Variants in ATRN observed in about 807,000 individuals in gnomAD.
ATRN encodes attractin-2.
In ATRN, 54 loss-of-function variants were observed where a neutral mutation model predicts 178.7. That is an observed-to-expected ratio of 0.30 (90% CI 0.24 to 0.38). The LOEUF (loss-of-function observed/expected upper bound fraction) is 0.38, where lower values mean the gene tolerates loss of function less well. Ranked by LOEUF, ATRN falls within the 10% of genes least tolerant of loss-of-function variation. The pLI is 1.00. For synonymous variants in ATRN, 636 were observed against 663.0 expected, an observed-to-expected ratio of 0.96 and a Z score of 0.63; for missense variants, 1,443 against 1,815.1, an observed-to-expected ratio of 0.79 and a Z score of 3.73.
intron 14 of ATRN, 95 bp downstream of exon 14, chr20:3,577,092 G>A (rs2146250588): frequency 6.8e-7 from 1 of 1,475,024 alleles, no homozygotes; most frequent in Middle Eastern, 2.1e-4. Flanking sequence ...TAGCAGAGGG[G>A]AAGAGCTAAT....
rs1385737020 is a variant in ATRN, at chr20:3,471,084, G to A, written c.-24G>A. 12 of 1,506,722 alleles carry A rather than the reference G, an allele frequency of 8.0e-6. No individual in the cohort carries two copies. Among genetic ancestry groups the A allele is most frequent in the African/African-American group, 1.4e-5 (1 of 69,438 alleles). The allele number at this position is 1,506,722 out of a possible 1,614,324, so 93.3% of individuals were successfully genotyped here. ...TGCGGTGTGTGTGTATGTGTTCGCG[G>A]GGCGCCGTCTCAGCCCCGGGAAGAT... On this transcript the variant is annotated 5_prime_UTR_variant, in exon 1 of 29. Coordinates refer to ENST00000262919, the MANE Select transcript of ATRN (RefSeq NM_139321.3).
At chr20:3,487,198 G>T (rs777109456) in intron 1 of ATRN, among the ~76,000 whole-genome samples, 1 of 151,792 alleles carries the variant, frequency 6.6e-6, no homozygotes, top group African/African-American at 2.4e-5. Context: ...GTTATTTTTT[G>T]ATACTTTTGA....
At chr20:3,489,973 T>C in intron 1 of ATRN, 1 of 1,005,056 alleles carries the variant, frequency 9.9e-7, no homozygotes, top group Non-Finnish European at 1.6e-6. Context: ...TCTCCTGTCC[T>C]TGCTTGCTTG....
At chr20:3,576,441 A>C (rs1166653229) in intron 13 of ATRN, among the ~76,000 whole-genome samples, 1 of 152,178 alleles carries the variant, frequency 6.6e-6, no homozygotes, top group Non-Finnish European at 1.5e-5. Flanking sequence ...AGTTTTTGAC[A>C]GCTTACAAGA....
intron 24 of ATRN, among the ~76,000 whole-genome samples, chr20:3,608,721 CTT>C (rs903951340): frequency 6.6e-6 from 1 of 152,106 alleles, no homozygotes; most frequent in African/African-American, 2.4e-5. Flanking sequence ...AATCCCAGCA[CTT>C]TGGGAGGCCG....
At position 3,560,862 on chromosome 20, in the gene ATRN, C is replaced by A; in HGVS notation, c.1404C>A (p.Cys468Ter). ...RVVMLVIFGH[C>*]PLYGYISNVQ... ...TCATGCTGGTCATCTTTGGTCACTG[C>A]CCTCTCTATGGATATATAAGCAATG... Residue 468 changes from cysteine to a stop codon, truncating the protein, a stop_gained, in exon 8 of 29, where the codon TGC becomes TGA. Coordinates refer to ENST00000262919, the MANE Select transcript of ATRN (RefSeq NM_139321.3). LOFTEE classifies it high-confidence loss of function. 6.2e-7 allele frequency: 1 copy of A among 1,614,040 alleles called. No individual in the cohort carries two copies. The highest frequency in any genetic ancestry group is 8.5e-7 in the Non-Finnish European group (1 of 1,179,968).
chr20:3,644,928 G>C (rs2087096706), intron 28 of ATRN, among the ~76,000 whole-genome samples: 1 of 152,082 alleles, frequency 6.6e-6, no homozygotes, highest in Non-Finnish European at 1.5e-5. Flanking sequence ...TTTTTATTCT[G>C]CTTTTTTCAT....
At chr20:3,534,393 G>C (rs562431437) in intron 1 of ATRN, among the ~76,000 whole-genome samples, 103 of 152,252 alleles carry the variant, frequency 6.8e-4, no homozygotes, top group African/African-American at 2.3e-3. Flanking sequence ...AAGAGGGGTG[G>C]AGGAAAAGAT....
chr20:3,524,903 A>C (rs2085344012), intron 1 of ATRN, among the ~76,000 whole-genome samples: 1 of 152,240 alleles, frequency 6.6e-6, no homozygotes, highest in South Asian at 2.1e-4. Context: ...ACGCAGCCAA[A>C]GCAGTGTTTA....
intron 11 of ATRN, among the ~76,000 whole-genome samples, chr20:3,569,286 A>G (rs1000313856): frequency 1.3e-5 from 2 of 152,144 alleles, no homozygotes; most frequent in Non-Finnish European, 2.9e-5. Context: ...TAGGCTACAC[A>G]TCTAGGCTAT....
At chr20:3,474,406 T>G (rs2092961119) in intron 1 of ATRN, among the ~76,000 whole-genome samples, 1 of 152,090 alleles carries the variant, frequency 6.6e-6, no homozygotes, top group Non-Finnish European at 1.5e-5. Context: ...ATGACTCTGG[T>G]CTTTTAAAAA....
chr20:3,482,656 A>G (rs557819378), intron 1 of ATRN, among the ~76,000 whole-genome samples: 28 of 152,344 alleles, frequency 1.8e-4, no homozygotes, highest in African/African-American at 6.3e-4. Flanking sequence ...ACAGATCTGC[A>G]GAATTAGATT....
chr20:3,637,801 G>A (rs2087037104), intron 26 of ATRN, among the ~76,000 whole-genome samples: 1 of 152,196 alleles, frequency 6.6e-6, no homozygotes, highest in African/African-American at 2.4e-5. Flanking sequence ...TCACACAGCT[G>A]TAGACTATTG....
At chr20:3,625,144 C>T (rs2086927290) in intron 25 of ATRN, among the ~76,000 whole-genome samples, 1 of 152,194 alleles carries the variant, frequency 6.6e-6, no homozygotes, top group Admixed American at 6.5e-5. Flanking sequence ...GCGCCTTCCC[C>T]ACCCCACGTC....
intron 1 of ATRN, among the ~76,000 whole-genome samples, chr20:3,524,635 C>A (rs1801836923): frequency 6.6e-6 from 1 of 152,220 alleles, no homozygotes; most frequent in African/African-American, 2.4e-5. Flanking sequence ...CCACATGGCA[C>A]TTGTCCTAAA....
chr20:3,478,095 C>G (rs2084555289), intron 1 of ATRN, among the ~76,000 whole-genome samples: 2 of 152,138 alleles, frequency 1.3e-5, no homozygotes. Flanking sequence ...AAATTTGTTT[C>G]TTTCCATTTC....
rs71331052 is a variant in ATRN, at chr20:3,478,921, C to CTT, written c.410+7423_410+7424dup. Among the ~76,000 whole-genome samples the CTT allele has an allele frequency of 3.4e-3, 434 of 125,988 alleles. 4 individuals carry two copies. Among genetic ancestry groups the CTT allele is most frequent in the Non-Finnish European group, 4.3e-3 (255 of 59,718 alleles). 82.7% of individuals were successfully genotyped at this position (125,988 alleles called of 152,430 possible). On this transcript the variant is annotated intron_variant, in intron 1 of 28. Coordinates refer to ENST00000262919, the MANE Select transcript of ATRN (RefSeq NM_139321.3). The stretch of plus-strand genomic sequence containing the variant: ...TTCTCTATAATCTATAATTCATACC[C>CTT]TTTTTTTTTTTTTTTTTTTTGAGAG...
chr20:3,482,308 A>G (rs971844974), intron 1 of ATRN, among the ~76,000 whole-genome samples: 6 of 151,916 alleles, frequency 3.9e-5, no homozygotes, highest in Non-Finnish European at 8.8e-5. Context: ...GATAAAATGT[A>G]TATTAACATA....
chr20:3,531,992 T>A (rs2085459324), intron 1 of ATRN, among the ~76,000 whole-genome samples: 1 of 152,118 alleles, frequency 6.6e-6, no homozygotes, highest in South Asian at 2.1e-4. Flanking sequence ...TAGCTAGGCA[T>A]AGTGGTGTGT....
Sources: gnomAD v4.1 joint callset for allele counts (sites outside exome capture counted in the v4.1 genomes callset) on GRCh38, gnomAD v4.1.1 for gene constraint, MANE v1.5 for transcripts, NCBI Gene and HGNC (gene_info 2026-07-23, HGNC 2026-07-21) for gene names.